The following ZNF385D variants were observed in gnomAD, a reference collection of about 807,000 sequenced individuals.
The protein encoded by ZNF385D is zinc finger protein 385D.
ZNF385D carries 15 observed loss-of-function variants against 35.8 expected under a neutral mutation model. That is an observed-to-expected ratio of 0.42 (90% CI 0.28 to 0.64). ZNF385D has a LOEUF of 0.64. Ranked by LOEUF, ZNF385D falls within the 30% of genes least tolerant of loss-of-function variation. ZNF385D has a pLI of 0.23. For missense variants in ZNF385D, 474 were observed against 494.6 expected, an observed-to-expected ratio of 0.96 and a Z score of 0.39; for synonymous variants, 212 against 186.8, an observed-to-expected ratio of 1.13 and a Z score of -1.10.
At chr3:21,769,662 C>G (rs2070990210) in intron 3 of ZNF385D, among the ~76,000 whole-genome samples, 1 of 126,654 alleles carries the variant, frequency 7.9e-6, no homozygotes, top group South Asian at 2.6e-4. Flanking sequence ...CCATACTGCC[C>G]AAGGTAATTT....
chr3:22,113,876 C>T (rs1702670621), intron 3 of ZNF385D, among the ~76,000 whole-genome samples: 1 of 152,036 alleles, frequency 6.6e-6, no homozygotes, highest in Admixed American at 6.6e-5. Flanking sequence ...AATTACAGCT[C>T]ATTTTTCTAC....
chr3:21,514,422 T>C (rs909031652), intron 3 of ZNF385D, among the ~76,000 whole-genome samples: 26 of 152,256 alleles, frequency 1.7e-4, no homozygotes, highest in African/African-American at 5.8e-4. Flanking sequence ...TTTTATTAAA[T>C]TGAATTAAGT....
chr3:21,451,938 G>C (rs1399851178), intron 4 of ZNF385D, among the ~76,000 whole-genome samples: 8 of 151,980 alleles, frequency 5.3e-5, no homozygotes, highest in Non-Finnish European at 8.8e-5. Context: ...TGATTGTAAA[G>C]AGCTAAGTAT....
chr3:22,265,374 T>C (rs1559487463), intron 2 of ZNF385D, among the ~76,000 whole-genome samples: 1 of 152,004 alleles, frequency 6.6e-6, no homozygotes, highest in Non-Finnish European at 1.5e-5. Flanking sequence ...ATCATGAAAT[T>C]ACAAAAAATT....
At chr3:21,648,998 T>C (rs1285854042) in intron 2 of ZNF385D, among the ~76,000 whole-genome samples, 1 of 152,134 alleles carries the variant, frequency 6.6e-6, no homozygotes, top group Non-Finnish European at 1.5e-5. Flanking sequence ...TAGTAAGTGG[T>C]AAATCTACAA....
At chr3:21,911,700 TTCC>T (rs770227398) in intron 3 of ZNF385D, among the ~76,000 whole-genome samples, 29 of 151,966 alleles carry the variant, frequency 1.9e-4, no homozygotes, top group Non-Finnish European at 3.4e-4. Context: ...ATTAAATAAT[TTCC>T]TCATTTCAAC....
chr3:21,422,145 ATGG>A (rs1700769858), intron 7 of ZNF385D, among the ~76,000 whole-genome samples: 1 of 152,174 alleles, frequency 6.6e-6, no homozygotes, highest in South Asian at 2.1e-4. Context: ...TAACATAGTG[ATGG>A]TGAAGAAGGA....
intron 2 of ZNF385D, among the ~76,000 whole-genome samples, chr3:21,630,548 A>G (rs2065252217): frequency 6.6e-6 from 1 of 152,014 alleles, no homozygotes; most frequent in Non-Finnish European, 1.5e-5. Flanking sequence ...GCACTTCTGA[A>G]ACACCCCCCA....
At chr3:21,659,049 T>G (rs1366671150) in intron 2 of ZNF385D, among the ~76,000 whole-genome samples, 1 of 152,028 alleles carries the variant, frequency 6.6e-6, no homozygotes, top group African/African-American at 2.4e-5. Context: ...TCCTCCTCCC[T>G]CTTCTCCTTT....
chr3:21,498,502 A>C (rs1365897536), intron 4 of ZNF385D, among the ~76,000 whole-genome samples: 1 of 152,222 alleles, frequency 6.6e-6, no homozygotes, highest in Non-Finnish European at 1.5e-5. Flanking sequence ...AAGGAACTTA[A>C]ATTTACAAGC....
chr3:22,136,808 C>T (rs1576381919), intron 3 of ZNF385D, among the ~76,000 whole-genome samples: 1 of 152,098 alleles, frequency 6.6e-6, no homozygotes, highest in African/African-American at 2.4e-5. Context: ...AACTTAAGTG[C>T]ATTTTCTAAC....
At chr3:21,958,131 CTTAT>C (rs1489713066) in intron 3 of ZNF385D, among the ~76,000 whole-genome samples, 4 of 152,092 alleles carry the variant, frequency 2.6e-5, no homozygotes, top group East Asian at 1.9e-4. Flanking sequence ...TTTTTATCTC[CTTAT>C]TTGTTTTCAA....
At chr3:22,353,971 C>A (rs761956358) in intron 2 of ZNF385D, among the ~76,000 whole-genome samples, 32 of 152,032 alleles carry the variant, frequency 2.1e-4, no homozygotes, top group Non-Finnish European at 3.2e-4. Context: ...ATTCCATGGG[C>A]AATCATTCTA....
intron 2 of ZNF385D, among the ~76,000 whole-genome samples, chr3:22,174,918 A>T (rs925174661): frequency 3.3e-5 from 5 of 152,086 alleles, no homozygotes; most frequent in Admixed American, 2.6e-4. Flanking sequence ...AATAAAATTT[A>T]ATGTCTAAAT....
upstream of ZNF385D, among the ~76,000 whole-genome samples, chr3:21,752,025 C>A (rs1478130260): frequency 7.9e-6 from 1 of 126,918 alleles, no homozygotes; most frequent in African/African-American, 3.0e-5. Context: ...CCCCCCCCCA[C>A]CACACACACA....
intron 2 of ZNF385D, among the ~76,000 whole-genome samples, chr3:22,362,726 A>G (rs1696471666): frequency 6.6e-6 from 1 of 152,118 alleles, no homozygotes; most frequent in African/African-American, 2.4e-5. Flanking sequence ...ATAAAACTCA[A>G]TGAATTTTTA....
intron 4 of ZNF385D, among the ~76,000 whole-genome samples, chr3:21,496,405 CAT>C (rs373693956): frequency 1.9e-3 from 280 of 144,658 alleles, no homozygotes; most frequent in East Asian, 6.1e-3. Context: ...TATATACACA[CAT>C]ATATTTGATA....
At chr3:21,867,080 C>T (rs536066569) in intron 3 of ZNF385D, among the ~76,000 whole-genome samples, 5 of 152,134 alleles carry the variant, frequency 3.3e-5, no homozygotes, top group East Asian at 1.9e-4. Context: ...CACTGAGATA[C>T]GGTGTCTAGT....
chr3:21,459,921 T>C (rs2125308984), intron 4 of ZNF385D, among the ~76,000 whole-genome samples: 1 of 152,274 alleles, frequency 6.6e-6, no homozygotes, highest in Middle Eastern at 3.4e-3. Context: ...CTGTTCCACG[T>C]CCCAGACTGA....
Sources: allele counts gnomAD v4.1 joint callset (sites outside exome capture counted in the v4.1 genomes callset), GRCh38; gene constraint gnomAD v4.1.1; transcripts MANE v1.5; gene names NCBI Gene and HGNC (gene_info 2026-07-23, HGNC 2026-07-21).